The following VPS13B variants were observed in gnomAD, a reference collection of about 807,000 sequenced individuals.
VPS13B encodes intermembrane lipid transfer protein VPS13B.
A neutral mutation model predicts 426.4 loss-of-function variants in VPS13B; 285 were observed. The observed-to-expected ratio is 0.67, with a 90% CI of 0.61 to 0.74. VPS13B has a LOEUF of 0.74. Ranked by LOEUF, VPS13B falls within the 30% of genes least tolerant of loss-of-function variation. The pLI, the probability that VPS13B is intolerant of heterozygous loss-of-function variation, is 0.00. For missense variants in VPS13B, 4,537 were observed against 4,782.6 expected (o/e 0.95, Z 1.51); for synonymous variants, 1,676 against 1,676.4 (o/e 1.00, Z 0.01).
chr8:99,102,284 T>G (rs1009043644), intron 4 of VPS13B, among the ~76,000 whole-genome samples: 3 of 152,176 alleles, frequency 2.0e-5, no homozygotes, highest in African/African-American at 7.2e-5. Context: ...TCCATACTTT[T>G]GTTTTTTCAT....
At chr8:99,485,075 A>G (rs940453076) in intron 25 of VPS13B, among the ~76,000 whole-genome samples, 2 of 152,218 alleles carry the variant, frequency 1.3e-5, no homozygotes, top group African/African-American at 4.8e-5. Flanking sequence ...TTTACTCACA[A>G]CAGAGCAGGC....
intron 54 of VPS13B, among the ~76,000 whole-genome samples, chr8:99,840,275 G>A (rs1815616118): frequency 6.6e-6 from 1 of 152,172 alleles, no homozygotes; most frequent in African/African-American, 2.4e-5. Flanking sequence ...CATCCCCCAG[G>A]TCTTTATCAT....
intron 31 of VPS13B, among the ~76,000 whole-genome samples, chr8:99,570,083 A>C (rs1408934930): frequency 6.6e-6 from 1 of 152,156 alleles, no homozygotes; most frequent in Non-Finnish European, 1.5e-5. Flanking sequence ...TGTGCCTTGG[A>C]ATGCTGTAAT....
At chr8:99,591,512 G>A (rs1043083873) in intron 33 of VPS13B, among the ~76,000 whole-genome samples, 2 of 151,954 alleles carry the variant, frequency 1.3e-5, no homozygotes, top group Admixed American at 6.6e-5. Flanking sequence ...TCCATGTTTC[G>A]TGCTTCCTTC....
At chr8:99,792,353 A>G (rs1192590179) in intron 43 of VPS13B, among the ~76,000 whole-genome samples, 2 of 152,330 alleles carry the variant, frequency 1.3e-5, no homozygotes, top group Non-Finnish European at 1.5e-5. Context: ...AGATGTTGGC[A>G]TTATCGGACA....
At chr8:99,015,187 G>A (rs1466806473) in intron 2 of VPS13B, among the ~76,000 whole-genome samples, 1 of 149,920 alleles carries the variant, frequency 6.7e-6, no homozygotes, top group East Asian at 2.0e-4. Context: ...ATTTTTTAAT[G>A]AGCACAAATC....
intron 17 of VPS13B, among the ~76,000 whole-genome samples, chr8:99,263,504 C>G (rs1027741503): frequency 2.0e-5 from 3 of 152,156 alleles, no homozygotes; most frequent in African/African-American, 7.2e-5. Flanking sequence ...CTCCTTTTTA[C>G]AGGCTCTAAG....
At chr8:99,664,024 T>TTA (rs1309803805) in intron 35 of VPS13B, among the ~76,000 whole-genome samples, 1 of 151,296 alleles carries the variant, frequency 6.6e-6, no homozygotes, top group Admixed American at 6.6e-5. Context: ...TTTTTTTTTT[T>TTA]GAGATGGAGT....
chr8:99,606,624 C>CTTTTTTTTTTTTTTT (rs1193844207), intron 33 of VPS13B, among the ~76,000 whole-genome samples: 1 of 137,238 alleles, frequency 7.3e-6, no homozygotes, highest in African/African-American at 2.6e-5. Flanking sequence ...TTTTCTTTTT[C>CTTTTTTTTTTTTTTT]TTTTCTTTTT....
At chr8:99,647,573 T>TA (rs111538532) in intron 34 of VPS13B, among the ~76,000 whole-genome samples, 2,344 of 111,728 alleles carry the variant, frequency 0.021, 40 homozygotes, top group African/African-American at 0.058. Flanking sequence ...AGCAAGACTG[T>TA]AAAAAAAAAA....
At chr8:99,040,512 A>C (rs1842923295) in intron 3 of VPS13B, among the ~76,000 whole-genome samples, 1 of 152,328 alleles carries the variant, frequency 6.6e-6, no homozygotes, top group Non-Finnish European at 1.5e-5. Flanking sequence ...GGTTTATGCT[A>C]GTGATTGGAA....
At chr8:99,087,456 C>T (rs1845885298) in intron 3 of VPS13B, among the ~76,000 whole-genome samples, 1 of 152,000 alleles carries the variant, frequency 6.6e-6, no homozygotes, top group Non-Finnish European at 1.5e-5. Flanking sequence ...TACGCTGCAC[C>T]CACTGTCCTG....
chr8:99,126,468 A>G (rs1848188802), intron 8 of VPS13B, among the ~76,000 whole-genome samples: 1 of 152,190 alleles, frequency 6.6e-6, no homozygotes, highest in Non-Finnish European at 1.5e-5. Context: ...AGTTAGGGTG[A>G]TGGTGAAAAT....
At chr8:99,440,243 AT>A (rs1337425212) in intron 22 of VPS13B, among the ~76,000 whole-genome samples, 5 of 152,092 alleles carry the variant, frequency 3.3e-5, no homozygotes, top group Admixed American at 6.6e-5. Flanking sequence ...TGAATAGGAT[AT>A]TTTTTTAAAA....
intron 19 of VPS13B, among the ~76,000 whole-genome samples, chr8:99,354,155 T>C (rs954305469): frequency 1.3e-5 from 2 of 151,832 alleles, no homozygotes; most frequent in African/African-American, 4.8e-5. Flanking sequence ...GGATAGTATT[T>C]GGAAATATTT....
intron 17 of VPS13B, among the ~76,000 whole-genome samples, chr8:99,227,038 A>G (rs1430446184): frequency 2.6e-5 from 4 of 151,982 alleles, no homozygotes; most frequent in Non-Finnish European, 5.9e-5. Flanking sequence ...ATCTCCTGCA[A>G]CTCATCCACA....
chr8:99,570,357 C>T (rs1017378187), intron 31 of VPS13B, among the ~76,000 whole-genome samples: 6 of 152,072 alleles, frequency 3.9e-5, no homozygotes, highest in South Asian at 2.1e-4. Context: ...CATGTCTCTT[C>T]GTTTTCCTTT....
chr8:99,793,284 T>TATATATATATATATAA (rs1282918685), intron 43 of VPS13B, among the ~76,000 whole-genome samples: 1 of 142,538 alleles, frequency 7.0e-6, no homozygotes, highest in African/African-American at 2.6e-5. Flanking sequence ...TATATATATA[T>TATATATATATATATAA]AAAATACATG....
At chr8:99,069,458 GA>G (rs1273965545) in intron 3 of VPS13B, among the ~76,000 whole-genome samples, 1 of 152,192 alleles carries the variant, frequency 6.6e-6, no homozygotes, top group Non-Finnish European at 1.5e-5. Flanking sequence ...TTGTGATTGA[GA>G]GACAAAAGAA....
Sources: gnomAD v4.1 joint callset for allele counts (sites outside exome capture counted in the v4.1 genomes callset) on GRCh38, gnomAD v4.1.1 for gene constraint, MANE v1.5 for transcripts, NCBI Gene and HGNC (gene_info 2026-07-23, HGNC 2026-07-21) for gene names.